CNTN4: variants seen among roughly 807,000 people sequenced by gnomAD.
CNTN4 encodes contactin 4, also known as contactin-4.
CNTN4 carries 77 observed loss-of-function variants against 122.5 expected under a neutral mutation model. The observed-to-expected ratio is 0.63, with a 90% CI of 0.52 to 0.76. The LOEUF is 0.76. CNTN4 is among the 30% of genes least tolerant of loss of function. The pLI is 0.00. For synonymous variants in CNTN4, 512 were observed against 447.0 expected (o/e 1.15, Z -1.83); for missense variants, 1,256 against 1,259.1 (o/e 1.00, Z 0.04).
intron 3 of CNTN4, among the ~76,000 whole-genome samples, chr3:2,349,458 C>T (rs2044525971): frequency 6.6e-6 from 1 of 152,092 alleles, no homozygotes; most frequent in Admixed American, 6.5e-5. Flanking sequence ...CAGAAGAACA[C>T]AATGTAATTC....
rs764954527 is a variant in CNTN4 at position 2,103,724 on chromosome 3, CTATT to C, written c.-145+3093_-145+3096del. Among the ~76,000 whole-genome samples, 28 of 54,892 alleles carry C rather than the reference CTATT, an allele frequency of 5.1e-4. 1 individual carries two copies. Among genetic ancestry groups the C allele is most frequent in the South Asian group, 2.2e-3 (4 of 1,846 alleles). The allele number at this position is 54,892 out of a possible 152,430, so 36.0% of individuals were successfully genotyped here. ...CTTTGCAAAATTATTTTTTATTTAT[CTATT>C]TATTTATCTTTATTTTCTATATGAC... On this transcript the variant is annotated intron_variant, in intron 2 of 24. Transcript: ENST00000418658.
chr3:2,235,304 T>TA (rs2039638829), intron 2 of CNTN4, among the ~76,000 whole-genome samples: 3 of 152,162 alleles, frequency 2.0e-5, no homozygotes, highest in Admixed American at 2.0e-4. Context: ...ACTATTTAGG[T>TA]TAAGCAGCTT....
chr3:2,563,283 C>G (rs1372432513), intron 3 of CNTN4, among the ~76,000 whole-genome samples: 2 of 152,072 alleles, frequency 1.3e-5, no homozygotes, highest in Admixed American at 6.6e-5. Context: ...AAAAAGAACG[C>G]ATGTCAGTGC....
At chr3:2,444,818 A>T (rs2048562248) in intron 3 of CNTN4, among the ~76,000 whole-genome samples, 1 of 151,988 alleles carries the variant, frequency 6.6e-6, no homozygotes, top group Admixed American at 6.6e-5. Flanking sequence ...ATGTGGTTTT[A>T]TTAAAAACAA....
chr3:2,479,314 T>G (rs777571089), intron 3 of CNTN4, among the ~76,000 whole-genome samples: 1 of 151,082 alleles, frequency 6.6e-6, no homozygotes, highest in Non-Finnish European at 1.5e-5. Flanking sequence ...TTTTTAAAAT[T>G]TAAATTTAGC....
intron 3 of CNTN4, among the ~76,000 whole-genome samples, chr3:2,406,216 A>G (rs1213133547): frequency 6.6e-6 from 1 of 152,224 alleles, no homozygotes; most frequent in Non-Finnish European, 1.5e-5. Flanking sequence ...GGAAAAACCC[A>G]GCAGATACCA....
intron 4 of CNTN4, among the ~76,000 whole-genome samples, chr3:2,582,993 A>T (rs1252099259): frequency 6.6e-6 from 1 of 152,166 alleles, no homozygotes. Flanking sequence ...GCAGCAATAT[A>T]TATGTTGCTT....
intron 12 of CNTN4, among the ~76,000 whole-genome samples, chr3:2,922,608 A>AT (rs547782541): frequency 0.33 from 36,100 of 109,130 alleles, 7,133 homozygotes; most frequent in East Asian, 0.61. Context: ...AAAGAACTTG[A>AT]TTTTTTTTTT....
chr3:2,451,570 C>T (rs1002933920), intron 3 of CNTN4, among the ~76,000 whole-genome samples: 12 of 151,288 alleles, frequency 7.9e-5, no homozygotes, highest in Admixed American at 7.9e-4. Context: ...AAGGAATTAC[C>T]AGTTTTTTAT....
intron 2 of CNTN4, among the ~76,000 whole-genome samples, chr3:2,316,866 T>C (rs756692893): frequency 2.0e-5 from 3 of 152,186 alleles, no homozygotes; most frequent in African/African-American, 4.8e-5. Context: ...AAAATGCCTA[T>C]TGATGCAAAC....
At chr3:2,650,076 A>AATATATATATAT (rs139412989) in intron 4 of CNTN4, among the ~76,000 whole-genome samples, 4 of 145,570 alleles carry the variant, frequency 2.7e-5, no homozygotes, top group Admixed American at 2.1e-4. Context: ...TATTTTTATA[A>AATATATATATAT]ATATATATAT....
At chr3:2,346,126 T>A (rs1312878596) in intron 3 of CNTN4, among the ~76,000 whole-genome samples, 1 of 152,164 alleles carries the variant, frequency 6.6e-6, no homozygotes, top group Non-Finnish European at 1.5e-5. Context: ...TTACTTTGTG[T>A]CAGGATTTTT....
At chr3:2,815,690 C>G (rs1687133018) in intron 6 of CNTN4, among the ~76,000 whole-genome samples, 1 of 152,052 alleles carries the variant, frequency 6.6e-6, no homozygotes, top group Non-Finnish European at 1.5e-5. Context: ...CCTTAAAGAA[C>G]TAAAAGTAGA....
rs1269891039 is a variant in CNTN4 at position 2,450,991 on chromosome 3, G to T, written c.-89+111758G>T. 2.0e-5 allele frequency among the ~76,000 whole-genome samples: 3 copies of T among 152,178 alleles called. No individual in the cohort carries two copies. The East Asian group carries it at 5.8e-4, about 29-fold the overall frequency. On this transcript the variant is annotated intron_variant, in intron 3 of 24. Coordinates refer to ENST00000418658, the MANE Select transcript of CNTN4 (RefSeq NM_175607.3). ...TTTCCCTAGGGAACAAGTGAGGAAG[G>T]GTGAAGGGGGGCCAAGAGTGGTATT... is the stretch of plus-strand genomic sequence containing the variant.
intron 4 of CNTN4, among the ~76,000 whole-genome samples, chr3:2,705,808 A>T (rs1169938449): frequency 1.1e-4 from 11 of 99,072 alleles, no homozygotes; most frequent in African/African-American, 4.7e-4. Context: ...GTTATATATA[A>T]TATATATAAT....
chr3:2,549,781 C>T (rs1410111736), intron 3 of CNTN4, among the ~76,000 whole-genome samples: 2 of 152,134 alleles, frequency 1.3e-5, no homozygotes, highest in Non-Finnish European at 2.9e-5. Context: ...ATGGTACTAG[C>T]TCCTCTTTGT....
At chr3:2,988,209 G>T (rs1228784740) in intron 13 of CNTN4, 136 bp from the exon 14 acceptor site, 1 of 794,268 alleles carries the variant, frequency 1.3e-6, no homozygotes, top group African/African-American at 1.7e-5. Context: ...CCTAAATAAA[G>T]ATGAGGCTGT....
chr3:2,724,470 T>C (rs2088074958), intron 4 of CNTN4, among the ~76,000 whole-genome samples: 1 of 152,206 alleles, frequency 6.6e-6, no homozygotes, highest in African/African-American at 2.4e-5. Flanking sequence ...TCAAATTTAG[T>C]GGACCTGTTA....
chr3:2,887,365 C>G lies in CNTN4; in HGVS notation c.940+141C>G, dbSNP rs1025963390. 18 of 801,156 alleles carry G rather than the reference C, an allele frequency of 2.2e-5. No homozygotes were observed. The African/African-American group carries it at 3.1e-4, about 14-fold the overall frequency. 49.6% of individuals were successfully genotyped at this position (801,156 alleles called of 1,614,324 possible). ...TGAAACTCATGGTTTGCTCCATAAT[C>G]AGCCCTGGTTGATTCTGGGTGTGGA... is the stretch of plus-strand genomic sequence containing the variant. On this transcript the variant is annotated intron_variant, in intron 10 of 24. Transcript: ENST00000418658.
Sources: gnomAD v4.1 joint callset for allele counts (sites outside exome capture counted in the v4.1 genomes callset) on GRCh38, gnomAD v4.1.1 for gene constraint, MANE v1.5 for transcripts, NCBI Gene and HGNC (gene_info 2026-07-23, HGNC 2026-07-21) for gene names.